Variants in DDAH1 observed in about 807,000 individuals in gnomAD.
DDAH1 encodes the protein dimethylarginine dimethylaminohydrolase 1.
DDAH1 carries 19 observed loss-of-function variants against 28.8 expected under a neutral mutation model. That is an observed-to-expected ratio of 0.66 (90% CI 0.46 to 0.97). DDAH1 has a LOEUF of 0.97. Among genes scored for constraint, DDAH1 ranks in the 50% least tolerant of loss-of-function variants. DDAH1 has a pLI of 0.00. For missense variants in DDAH1, 326 were observed against 375.9 expected (o/e 0.87, Z 1.10); for synonymous variants, 153 against 154.4 (o/e 0.99, Z 0.07).
At chr1:85,500,160 T>C (rs992360703) in intron 1 of DDAH1, among the ~76,000 whole-genome samples, 1 of 66,460 alleles carries the variant, frequency 1.5e-5, no homozygotes, top group Non-Finnish European at 4.5e-5. Context: ...TCTTTCTTTC[T>C]TTCTCTTTTT....
rs184193997 is a variant in DDAH1 at position 85,505,057 on chromosome 1, C to T, written c.-122-8776G>A. Among the ~76,000 whole-genome samples, 498 of 136,118 alleles carry T rather than the reference C, an allele frequency of 3.7e-3. 2 individuals carry two copies. The highest frequency in any genetic ancestry group is 0.013 in the African/African-American group (476 of 35,488). 89.3% of individuals were successfully genotyped at this position (136,118 alleles called of 152,430 possible). A position where few individuals can be genotyped will look rare whatever the true frequency, so the allele number is the denominator to read the frequency against. On this transcript the variant is annotated intron_variant, in intron 1 of 6. Transcript: ENST00000426972. The stretch of plus-strand genomic sequence containing the variant: ...CTGGAGTGCAATGGCGTGATCTCGG[C>T]TCACTGCAACCTCCGTTTCCTGGAT...
intron 1 of DDAH1, among the ~76,000 whole-genome samples, chr1:85,570,363 G>GTC (rs1659415619): frequency 2.2e-5 from 1 of 46,466 alleles, no homozygotes; most frequent in Non-Finnish European, 4.8e-5. Context: ...CACACACACT[G>GTC]TCACACACAC....
intron 2 of DDAH1, among the ~76,000 whole-genome samples, chr1:85,471,280 AT>A (rs1655609197): frequency 6.6e-6 from 1 of 152,220 alleles, no homozygotes; most frequent in Middle Eastern, 3.4e-3. Context: ...GCCTTCCATT[AT>A]TCCATCTAGG....
At chr1:85,572,676 G>A (rs570199191) in intron 1 of DDAH1, among the ~76,000 whole-genome samples, 7 of 152,304 alleles carry the variant, frequency 4.6e-5, no homozygotes, top group African/African-American at 9.6e-5. Flanking sequence ...AGTGTCAGCC[G>A]GCACTAACGC....
intron 1 of DDAH1, among the ~76,000 whole-genome samples, chr1:85,417,050 A>G (rs1185879199): frequency 6.6e-6 from 1 of 152,228 alleles, no homozygotes; most frequent in Non-Finnish European, 1.5e-5. Context: ...CATGAAGACA[A>G]CACTAGATTT....
intron 1 of DDAH1, among the ~76,000 whole-genome samples, chr1:85,374,706 T>C (rs1557543920): frequency 1.3e-5 from 2 of 152,098 alleles, no homozygotes; most frequent in Non-Finnish European, 2.9e-5. Context: ...TATGAGAATT[T>C]TTTTTTTGCT....
At chr1:85,428,094 C>G (rs1388994099) in intron 1 of DDAH1, among the ~76,000 whole-genome samples, 1 of 152,160 alleles carries the variant, frequency 6.6e-6, no homozygotes, top group African/African-American at 2.4e-5. Flanking sequence ...AAGTAAGAAC[C>G]CAAGTAGTTT....
intron 1 of DDAH1, among the ~76,000 whole-genome samples, chr1:85,421,514 T>A (rs753729522): frequency 5.3e-5 from 8 of 152,160 alleles, no homozygotes; most frequent in Non-Finnish European, 7.3e-5. Flanking sequence ...TGCTGTGAAG[T>A]TAATGGGTTT....
At position 85,445,544 on chromosome 1, in the gene DDAH1, T is replaced by A. The variant is rs115979378; in HGVS notation, c.303+19199A>T. On this transcript the variant is annotated intron_variant, in intron 1 of 5. Coordinates refer to ENST00000284031, the MANE Select transcript of DDAH1 (RefSeq NM_012137.4). ...GAAGATATGTGAAAGAATAATGAGGTCCTTCTGTCCTTCCTAAAGGGTATA... is the reference window on the plus strand; with the variant it reads ...GAAGATATGTGAAAGAATAATGAGGACCTTCTGTCCTTCCTAAAGGGTATA... Among the ~76,000 whole-genome samples the A allele has an allele frequency of 7.2e-3, 1,095 of 152,230 alleles. 12 individuals carry two copies. The highest frequency in any genetic ancestry group is 0.025 in the African/African-American group (1,046 of 41,552).
chr1:85,562,614 A>T (rs1392035663), intron 1 of DDAH1, among the ~76,000 whole-genome samples: 1 of 152,242 alleles, frequency 6.6e-6, no homozygotes, highest in East Asian at 1.9e-4. Context: ...ACACAGGCAC[A>T]TGGAAGAGAA....
chr1:85,381,599 T>G (rs1227302198), intron 1 of DDAH1, among the ~76,000 whole-genome samples: 1 of 152,176 alleles, frequency 6.6e-6, no homozygotes, highest in Non-Finnish European at 1.5e-5. Context: ...TCTTTGTTCC[T>G]TTATATACAA....
chr1:85,454,179 C>G (rs1557649436), intron 1 of DDAH1, among the ~76,000 whole-genome samples: 1 of 152,238 alleles, frequency 6.6e-6, no homozygotes, highest in Non-Finnish European at 1.5e-5. Context: ...CTATGCTTTC[C>G]TGTCTTAACA....
intron 1 of DDAH1, among the ~76,000 whole-genome samples, chr1:85,558,078 T>A (rs570148432): frequency 1.3e-5 from 2 of 151,228 alleles, no homozygotes; most frequent in African/African-American, 2.4e-5. Flanking sequence ...AAAAAAAACA[T>A]CAATCTGGTT....
intron 1 of DDAH1, among the ~76,000 whole-genome samples, chr1:85,409,921 T>C (rs960675450): frequency 6.6e-6 from 1 of 152,230 alleles, no homozygotes; most frequent in African/African-American, 2.4e-5. Context: ...GCAAGTTAAT[T>C]GGGAAGATCC....
At chr1:85,565,002 C>G (rs999698958) in intron 1 of DDAH1, among the ~76,000 whole-genome samples, 4 of 152,084 alleles carry the variant, frequency 2.6e-5, no homozygotes, top group Non-Finnish European at 5.9e-5. Context: ...TGAGACCAGC[C>G]TGGCCAACAT....
In DDAH1 at chr1:85,343,985, T is replaced by G. The variant is rs559940656; in HGVS notation, c.597+6430A>C. Among the ~76,000 whole-genome samples the G allele has an allele frequency of 1.5e-4, 23 of 152,356 alleles. No homozygotes were observed. In the South Asian group the frequency reaches 4.8e-3, roughly 32 times the overall value. On this transcript the variant is annotated intron_variant, in intron 4 of 5. Transcript: ENST00000284031. The stretch of plus-strand genomic sequence containing the variant: ...TAAATGAGGTACAAAGCAGCTCTTG[T>G]GTTCATTCAAGGAATGTTAGAAATT...
intron 1 of DDAH1, among the ~76,000 whole-genome samples, chr1:85,370,701 T>C (rs987057594): frequency 1.3e-5 from 2 of 152,004 alleles, no homozygotes; most frequent in Admixed American, 6.6e-5. Flanking sequence ...AGTTGGTGGA[T>C]TGGATGTGGG....
chr1:85,331,550 A>AT (rs1254609366), intron 4 of DDAH1, among the ~76,000 whole-genome samples: 3 of 152,162 alleles, frequency 2.0e-5, no homozygotes, highest in Non-Finnish European at 2.9e-5. Flanking sequence ...TTGCTACTGC[A>AT]TATCTAAAAT....
At chr1:85,432,664 G>A (rs1283166613) in intron 1 of DDAH1, among the ~76,000 whole-genome samples, 1 of 152,100 alleles carries the variant, frequency 6.6e-6, no homozygotes, top group African/African-American at 2.4e-5. Context: ...ATTTTCCCAG[G>A]AAAATATCAC....
Sources: allele counts gnomAD v4.1 joint callset (sites outside exome capture counted in the v4.1 genomes callset), GRCh38; gene constraint gnomAD v4.1.1; transcripts MANE v1.5; gene names NCBI Gene and HGNC (gene_info 2026-07-23, HGNC 2026-07-21).